Variants in FRAS1 observed in about 807,000 individuals in gnomAD.
FRAS1 encodes Fraser extracellular matrix complex subunit 1, also known as extracellular matrix organizing protein FRAS1.
Under a neutral mutation model 435.2 loss-of-function variants are expected in FRAS1, and 290 were observed. That is an observed-to-expected ratio of 0.67 (90% CI 0.61 to 0.73). FRAS1 has a LOEUF of 0.73. FRAS1 is among the 30% of genes least tolerant of loss of function. The pLI is 0.00. For missense variants in FRAS1, 4,860 were observed against 5,001.5 expected, an observed-to-expected ratio of 0.97 and a Z score of 0.85; for synonymous variants, 1,800 against 1,851.0, an observed-to-expected ratio of 0.97 and a Z score of 0.71.
intron 16 of FRAS1, among the ~76,000 whole-genome samples, chr4:78,317,143 A>T (rs1430996863): frequency 6.6e-6 from 1 of 152,218 alleles, no homozygotes; most frequent in Admixed American, 6.5e-5. Context: ...TACAAACACT[A>T]AATAAAGGGT....
intron 2 of FRAS1, among the ~76,000 whole-genome samples, chr4:78,119,615 T>C (rs559376695): frequency 6.6e-6 from 1 of 152,332 alleles, no homozygotes; most frequent in East Asian, 1.9e-4. Context: ...GTTGATTCCA[T>C]AGCTTGGCTA....
intron 6 of FRAS1, among the ~76,000 whole-genome samples, chr4:78,259,631 C>T (rs1347760936): frequency 0.021 from 3,131 of 148,372 alleles, 104 homozygotes; most frequent in African/African-American, 0.073. Context: ...GAGTAGGTTG[C>T]GAAAATTTTC....
intron 22 of FRAS1, among the ~76,000 whole-genome samples, chr4:78,364,454 C>T (rs1044664084): frequency 2.0e-5 from 3 of 152,192 alleles, no homozygotes; most frequent in African/African-American, 4.8e-5. Context: ...GGACTAAGCA[C>T]GTCTCTGGAT....
At position 78,147,023 on chromosome 4, in the gene FRAS1, C is replaced by T. The variant is rs185739476; in HGVS notation, c.108+81007C>T. On this transcript the variant is annotated intron_variant, in intron 2 of 73. Coordinates refer to ENST00000512123, the MANE Select transcript of FRAS1 (RefSeq NM_025074.7). Reference sequence around the variant, plus strand: ...CTGTCAGCTTCATATTTTTTTGCCCCCAGTAGACATCTACACAGCAGTTAT... The same window carrying T: ...CTGTCAGCTTCATATTTTTTTGCCCTCAGTAGACATCTACACAGCAGTTAT... 1.5e-4 allele frequency among the ~76,000 whole-genome samples: 23 copies of T among 151,316 alleles called. 1 individual carries two copies. Among genetic ancestry groups the T allele is most frequent in the Admixed American group, 1.1e-3 (17 of 15,222 alleles).
At chr4:78,109,153 C>T (rs1426085422) in intron 2 of FRAS1, among the ~76,000 whole-genome samples, 2 of 72,002 alleles carry the variant, frequency 2.8e-5, no homozygotes, top group South Asian at 5.5e-4. Context: ...GATTCACAGC[C>T]GAATTCTACC....
chr4:78,515,468 T>A (rs11728117), intron 65 of FRAS1, among the ~76,000 whole-genome samples: 21,289 of 152,126 alleles, frequency 0.14, 1,779 homozygotes, highest in Non-Finnish European at 0.2. Context: ...GGACCAGACT[T>A]GCCAGGTATA....
Position 78,526,419 on chromosome 4 carries a change from G to A in FRAS1, c.10809-122G>A. 6 of 614,096 alleles carry A rather than the reference G, an allele frequency of 9.8e-6. No individual in the cohort carries two copies. The South Asian group carries it at 1.1e-4, about 11-fold the overall frequency. The allele number at this position is 614,096 out of a possible 1,614,324, so 38.0% of individuals were successfully genotyped here. A position where few individuals can be genotyped will look rare whatever the true frequency, so the allele number is the denominator to read the frequency against. The stretch of plus-strand genomic sequence containing the variant: ...AAAATGGTGTTTGCAGACTTGTAAA[G>A]TTCTTAGATGCTGGACACAAATACC... On this transcript the variant is annotated intron_variant, in intron 69 of 73. Transcript: ENST00000512123.
At chr4:78,192,094 C>G (rs1722565005) in intron 2 of FRAS1, among the ~76,000 whole-genome samples, 2 of 152,050 alleles carry the variant, frequency 1.3e-5, no homozygotes, top group Non-Finnish European at 2.9e-5. Flanking sequence ...TATTGATTTT[C>G]GTATGTTGAA....
intron 2 of FRAS1, among the ~76,000 whole-genome samples, chr4:78,134,047 C>G (rs993313111): frequency 6.6e-6 from 1 of 151,356 alleles, no homozygotes; most frequent in Admixed American, 6.6e-5. Flanking sequence ...GCAAGCTCCA[C>G]CTCCCGGGTC....
chr4:78,514,152 A>G (rs1721132085), intron 65 of FRAS1, among the ~76,000 whole-genome samples: 1 of 152,210 alleles, frequency 6.6e-6, no homozygotes, highest in Non-Finnish European at 1.5e-5. Flanking sequence ...GGAGCTCTGG[A>G]GAGACTTGTC....
In FRAS1 at chr4:78,252,489, GAC is replaced by G; in HGVS notation, c.410_411del (p.His137ProfsTer8). ...CAACCATGCCCACCGCTGTCATGTG[GAC>G]ACCAGGAGCTGGCATTCATCCCTGA... On this transcript the variant is annotated frameshift_variant, in exon 5 of 74. Coordinates refer to ENST00000512123, the MANE Select transcript of FRAS1 (RefSeq NM_025074.7). LOFTEE classifies it high-confidence loss of function. 1 of 1,613,832 alleles carries G rather than the reference GAC, an allele frequency of 6.2e-7. No individual in the cohort carries two copies. The highest frequency in any genetic ancestry group is 8.5e-7 in the Non-Finnish European group (1 of 1,179,846).
chr4:78,449,884 C>A (rs992897061), intron 44 of FRAS1, among the ~76,000 whole-genome samples: 7 of 151,844 alleles, frequency 4.6e-5, no homozygotes, highest in Non-Finnish European at 8.8e-5. Flanking sequence ...GTCACTGAGT[C>A]GGAGGAGCAT....
intron 34 of FRAS1, among the ~76,000 whole-genome samples, chr4:78,423,734 T>G (rs1266315040): frequency 6.6e-6 from 1 of 152,226 alleles, no homozygotes; most frequent in Non-Finnish European, 1.5e-5. Flanking sequence ...CTTTAGTGTC[T>G]GTACACAGTA....
chr4:78,537,685 G>A (rs917361626), intron 72 of FRAS1, among the ~76,000 whole-genome samples: 5 of 152,184 alleles, frequency 3.3e-5, no homozygotes, highest in Admixed American at 3.3e-4. Context: ...GCTCATGCCT[G>A]TAATCCCAAC....
At chr4:78,330,235 T>C (rs912563141) in intron 18 of FRAS1, among the ~76,000 whole-genome samples, 7 of 152,222 alleles carry the variant, frequency 4.6e-5, no homozygotes, top group African/African-American at 1.2e-4. Flanking sequence ...TGGACACTCA[T>C]CACTTCCCCA....
chr4:78,450,757 T>A (rs1718994863), intron 45 of FRAS1, among the ~76,000 whole-genome samples: 1 of 152,114 alleles, frequency 6.6e-6, no homozygotes, highest in African/African-American at 2.4e-5. Context: ...CTAAGCAAAA[T>A]GGAAGGGCAT....
At chr4:78,305,918 C>G (rs13134734) in intron 14 of FRAS1, among the ~76,000 whole-genome samples, 40,545 of 150,256 alleles carry the variant, frequency 0.27, 6,315 homozygotes, top group Admixed American at 0.35. Flanking sequence ...ATGTTAGCTG[C>G]TTATTTTGCT....
chr4:78,496,140 C>T (rs1720501918), intron 59 of FRAS1, among the ~76,000 whole-genome samples: 1 of 152,094 alleles, frequency 6.6e-6, no homozygotes, highest in Non-Finnish European at 1.5e-5. Flanking sequence ...ATGTTGTGAC[C>T]ATATTTTACA....
intron 2 of FRAS1, among the ~76,000 whole-genome samples, chr4:78,131,491 T>C (rs1387604205): frequency 1.3e-5 from 2 of 152,236 alleles, no homozygotes; most frequent in African/African-American, 2.4e-5. Context: ...TTTATGATTA[T>C]AGAGGAATTA....
Sources: gnomAD v4.1 joint callset for allele counts (sites outside exome capture counted in the v4.1 genomes callset) on GRCh38, gnomAD v4.1.1 for gene constraint, MANE v1.5 for transcripts, NCBI Gene and HGNC (gene_info 2026-07-23, HGNC 2026-07-21) for gene names.